The following CCND3 variants were observed in gnomAD, a reference collection of about 807,000 sequenced individuals.
The protein encoded by CCND3 is G1/S-specific cyclin-D3.
A neutral mutation model predicts 28.7 loss-of-function variants in CCND3; 9 were observed. That is an observed-to-expected ratio of 0.31 (90% CI 0.19 to 0.55). The LOEUF is 0.55. Among genes scored for constraint, CCND3 ranks in the 20% least tolerant of loss-of-function variants. The pLI is 0.93. For missense variants in CCND3, 315 were observed against 385.8 expected (o/e 0.82, Z 1.54); for synonymous variants, 164 against 163.9 (o/e 1.00, Z 0.00).
intron 1 of CCND3, among the ~76,000 whole-genome samples, chr6:42,026,927 G>A (rs1344091653): frequency 2.0e-5 from 3 of 152,276 alleles, no homozygotes; most frequent in South Asian, 2.1e-4. Flanking sequence ...TCACCCACCC[G>A]GATCTGTATG....
upstream of CCND3, among the ~76,000 whole-genome samples, chr6:41,945,597 T>C (rs1440213265): frequency 6.6e-6 from 1 of 152,098 alleles, no homozygotes; most frequent in African/African-American, 2.4e-5. Flanking sequence ...CCACATGCCA[T>C]GGCTTAGTTA....
intron 1 of CCND3, among the ~76,000 whole-genome samples, chr6:41,968,998 G>C (rs1337207766): frequency 6.6e-6 from 1 of 152,010 alleles, no homozygotes; most frequent in Non-Finnish European, 1.5e-5. Flanking sequence ...GTTTTGCCCT[G>C]TTGGCCAGGC....
At chr6:42,017,907 T>C (rs1350321126) in intron 1 of CCND3, among the ~76,000 whole-genome samples, 1 of 152,150 alleles carries the variant, frequency 6.6e-6, no homozygotes, top group African/African-American at 2.4e-5. Context: ...TCCCGGCACT[T>C]TGGGAGGCCG....
chr6:42,006,332 G>GA (rs1024094683), intron 1 of CCND3, among the ~76,000 whole-genome samples: 5 of 151,310 alleles, frequency 3.3e-5, no homozygotes, highest in African/African-American at 1.2e-4. Flanking sequence ...CAACAAACTA[G>GA]AAATAAAGGA....
At position 41,980,162 on chromosome 6, in the gene CCND3, G is replaced by A. The variant is rs539173757; in HGVS notation, c.-45-39577C>T. Among the ~76,000 whole-genome samples the A allele has an allele frequency of 2.7e-5, 4 of 147,528 alleles. No individual in the cohort carries two copies. In the East Asian group the frequency reaches 7.9e-4, roughly 29 times the overall value. ...TTTTTTTTTTTTTTTTTGAGACAGA[G>A]TCTTGTTCTGTTGCTCAGACTGGAG... On this transcript the variant is annotated intron_variant, in intron 1 of 4. Transcript: ENST00000372988.
At chr6:41,995,132 T>C (rs1383449717) in intron 1 of CCND3, among the ~76,000 whole-genome samples, 2 of 152,162 alleles carry the variant, frequency 1.3e-5, no homozygotes, top group Admixed American at 6.6e-5. Flanking sequence ...TTTTTATTTA[T>C]GCATAAGAAC....
chr6:41,940,472 C>T lies in CCND3; in HGVS notation c.312G>A (p.Ala104=). The T allele has an allele frequency of 6.2e-7, 1 of 1,614,042 alleles. No individual in the cohort carries two copies. Among genetic ancestry groups the T allele is most frequent in the Non-Finnish European group, 8.5e-7 (1 of 1,180,008 alleles). ...TRKAQLQLLG[A]VCMLLASKLR... ...GCTTGGAGGCCAGCAGCATGCAGACCGCACCCAGGAGCTGCAACTGCGCCT... is the reference window on the plus strand; with the variant it reads ...GCTTGGAGGCCAGCAGCATGCAGACTGCACCCAGGAGCTGCAACTGCGCCT... The change falls in exon 2 of 5, where the codon GCG becomes GCA. Residue 104 remains alanine, a synonymous_variant. Transcript: ENST00000372991.
At chr6:41,988,339 A>C (rs1257947789) in intron 1 of CCND3, among the ~76,000 whole-genome samples, 1 of 152,082 alleles carries the variant, frequency 6.6e-6, no homozygotes, top group Admixed American at 6.6e-5. Flanking sequence ...AAATTAAAAC[A>C]GTATTTCTCA....
In CCND3 at chr6:42,021,116, G is replaced by C. The variant is rs116459181; in HGVS notation, c.-46+27385C>G. 1.2e-3 allele frequency among the ~76,000 whole-genome samples: 180 copies of C among 152,330 alleles called. 2 individuals are homozygous for C. Among genetic ancestry groups the C allele is most frequent in the African/African-American group, 4.2e-3 (176 of 41,566 alleles). ...GTACAAAAAGATATTTTGAGAGAGA[G>C]AGAGAAACAGACCACATTCACACAA... On this transcript the variant is annotated intron_variant, in intron 1 of 4. Coordinates refer to the CCND3 transcript ENST00000372988.
At chr6:42,006,201 T>C (rs934452293) in intron 1 of CCND3, among the ~76,000 whole-genome samples, 1 of 151,408 alleles carries the variant, frequency 6.6e-6, no homozygotes, top group Non-Finnish European at 1.5e-5. Context: ...ATGTAACTTA[T>C]AACACTCATA....
chr6:41,995,604 G>C (rs901363844), intron 1 of CCND3, among the ~76,000 whole-genome samples: 4 of 152,134 alleles, frequency 2.6e-5, no homozygotes, highest in African/African-American at 9.7e-5. Context: ...GAAAAAAGCA[G>C]TATAAACAAT....
rs968328322 is a variant in CCND3 at position 41,938,205 on chromosome 6, C to T, written c.415-811G>A. Reference sequence around the variant, plus strand: ...TCTCGGGAGAAGGCTGGGAGCTCCACCCCAGTCCACTCGTCATGGGTTCCC... The same window carrying T: ...TCTCGGGAGAAGGCTGGGAGCTCCATCCCAGTCCACTCGTCATGGGTTCCC... On this transcript the variant is annotated intron_variant, in intron 2 of 4. Coordinates refer to ENST00000372991, the MANE Select transcript of CCND3 (RefSeq NM_001760.5). This position sits in a 1 kb window ranked among gnomAD's most constrained non-coding sequence, Gnocchi z 4.6. 2.0e-5 allele frequency: 3 copies of T among 152,306 alleles called. No homozygotes were observed. Among genetic ancestry groups the T allele is most frequent in the African/African-American group, 7.2e-5 (3 of 41,450 alleles). 9.4% of individuals were successfully genotyped at this position (152,306 alleles called of 1,614,324 possible).
At chr6:41,992,876 G>C (rs1262999190) in intron 1 of CCND3, among the ~76,000 whole-genome samples, 4 of 152,020 alleles carry the variant, frequency 2.6e-5, no homozygotes. Context: ...AAAGTGCTGA[G>C]GTTACAAGCA....
chr6:42,020,274 T>G (rs1045468803), intron 1 of CCND3, among the ~76,000 whole-genome samples: 1 of 151,890 alleles, frequency 6.6e-6, no homozygotes, highest in Non-Finnish European at 1.5e-5. Context: ...AGAGCGAGAC[T>G]CTGTCTCAAA....
At chr6:42,011,452 C>G (rs1763344072) in intron 1 of CCND3, among the ~76,000 whole-genome samples, 1 of 152,088 alleles carries the variant, frequency 6.6e-6, no homozygotes, top group Admixed American at 6.6e-5. Context: ...AGAGGCAAGC[C>G]CTGGTCACTC....
At chr6:41,993,925 TAAAAAAAAAAAAA>T (rs201027925) in intron 1 of CCND3, among the ~76,000 whole-genome samples, 5 of 121,248 alleles carry the variant, frequency 4.1e-5, no homozygotes, top group East Asian at 2.3e-4. Context: ...ACTCTTGTCT[TAAAAAAAAAAAAA>T]AAAAAAAAAA....
chr6:42,026,579 C>CAT (rs1763882405), intron 1 of CCND3, among the ~76,000 whole-genome samples: 1 of 152,194 alleles, frequency 6.6e-6, no homozygotes, highest in East Asian at 1.9e-4. Flanking sequence ...ACAGGCTCCC[C>CAT]ATACCCTTCT....
chr6:42,035,401 A>G (rs1764175760), intron 1 of CCND3, among the ~76,000 whole-genome samples: 1 of 151,624 alleles, frequency 6.6e-6, no homozygotes, highest in African/African-American at 2.4e-5. Context: ...GGAGTCTCAC[A>G]CTGTCGCCCA....
Position 41,936,239 on chromosome 6 carries a change from G to A in CCND3, c.712-132C>T, listed in dbSNP as rs568279708. 1.3e-5 allele frequency: 13 copies of A among 991,570 alleles called. No homozygotes were observed. The highest frequency in any genetic ancestry group is 1.0e-4 in the South Asian group (6 of 58,748). The allele number at this position is 991,570 out of a possible 1,614,324, so 61.4% of individuals were successfully genotyped here. A position where few individuals can be genotyped will look rare whatever the true frequency, so the allele number is the denominator to read the frequency against. ...AGGCCACAGCCCGGCCCCAGGAATC[G>A]CTCTTTAGTTCTCAGAAACTAGCAA... is the stretch of plus-strand genomic sequence containing the variant. On this transcript the variant is annotated intron_variant, in intron 4 of 4. Transcript: ENST00000372991. The surrounding 1 kb of genome is among the most constrained non-coding windows in gnomAD (Gnocchi z 4.4).
Sources: allele counts gnomAD v4.1 joint callset (sites outside exome capture counted in the v4.1 genomes callset), GRCh38; gene constraint gnomAD v4.1.1; non-coding constraint Gnocchi (gnomAD v3.1); transcripts MANE v1.5; gene names NCBI Gene and HGNC (gene_info 2026-07-23, HGNC 2026-07-21).